The following NAV3 variants were observed in gnomAD, a reference collection of about 807,000 sequenced individuals.
NAV3 encodes pore membrane and/or filament interacting like protein 1.
In NAV3, 87 loss-of-function variants were observed where a neutral mutation model predicts 244.7. The ratio of observed to expected loss-of-function variants is 0.36; its 90% CI spans 0.30 to 0.42. The LOEUF is 0.42. Among genes scored for constraint, NAV3 ranks in the 20% least tolerant of loss-of-function variants. The probability of loss-of-function intolerance (pLI) is 1.00; values close to 1 mark genes in which losing one functional copy is unlikely to be tolerated. For synonymous variants in NAV3, 1,126 were observed against 1,042.2 expected (o/e 1.08, Z -1.55); for missense variants, 2,663 against 2,893.3 (o/e 0.92, Z 1.83).
chr12:77,629,267 C>T (rs931403293), intron 2 of NAV3, among the ~76,000 whole-genome samples: 2 of 152,156 alleles, frequency 1.3e-5, no homozygotes, highest in Non-Finnish European at 2.9e-5. Flanking sequence ...ATATTTGCAG[C>T]ATGATTTATC....
intron 1 of NAV3, among the ~76,000 whole-genome samples, chr12:77,903,650 T>G (rs996623303): frequency 7.2e-5 from 11 of 152,162 alleles, no homozygotes; most frequent in Non-Finnish European, 1.5e-4. Context: ...AAATGGGACC[T>G]AATTAAACTA....
intron 2 of NAV3, among the ~76,000 whole-genome samples, chr12:77,623,162 A>G (rs955759168): frequency 3.9e-5 from 6 of 152,206 alleles, no homozygotes; most frequent in Non-Finnish European, 7.3e-5. Flanking sequence ...GAGCATGAAT[A>G]TGTCCTTTGC....
At chr12:77,878,238 T>C (rs1314218920) in intron 1 of NAV3, among the ~76,000 whole-genome samples, 1 of 152,068 alleles carries the variant, frequency 6.6e-6, no homozygotes, top group East Asian at 1.9e-4. Context: ...TTTTGTTTTG[T>C]TTTTTTGAGA....
chr12:77,759,317 A>T (rs1650729611), intron 2 of NAV3, among the ~76,000 whole-genome samples: 1 of 152,236 alleles, frequency 6.6e-6, no homozygotes, highest in African/African-American at 2.4e-5. Flanking sequence ...AAAGACAAAA[A>T]GATGTTAAAG....
chr12:78,021,039 C>A (rs181466914), intron 8 of NAV3, among the ~76,000 whole-genome samples: 1 of 152,050 alleles, frequency 6.6e-6, no homozygotes, highest in South Asian at 2.1e-4. Context: ...AAAATATTTA[C>A]CCATGCATAA....
At chr12:77,743,934 A>G (rs1868401671) in intron 2 of NAV3, among the ~76,000 whole-genome samples, 1 of 151,812 alleles carries the variant, frequency 6.6e-6, no homozygotes, top group Non-Finnish European at 1.5e-5. Context: ...AGATAAAAGG[A>G]TGGTATTACT....
At chr12:77,977,504 C>T (rs1057133033) in intron 5 of NAV3, among the ~76,000 whole-genome samples, 3 of 151,980 alleles carry the variant, frequency 2.0e-5, no homozygotes, top group South Asian at 2.1e-4. Flanking sequence ...ATTAAAACTA[C>T]GGTTTGGTTC....
intron 2 of NAV3, among the ~76,000 whole-genome samples, chr12:77,599,333 T>C (rs994867990): frequency 6.6e-6 from 1 of 152,010 alleles, no homozygotes. Flanking sequence ...TTTAGTAGAC[T>C]TTTATTCAAA....
intron 1 of NAV3, among the ~76,000 whole-genome samples, chr12:77,932,033 T>C (rs927838990): frequency 6.6e-6 from 1 of 152,100 alleles, no homozygotes; most frequent in African/African-American, 2.4e-5. Flanking sequence ...CAGTATCTGT[T>C]GATCTTAGGG....
At position 77,791,360 on chromosome 12, in the gene NAV3, A is replaced by T. The variant is rs1312675824; in HGVS notation, c.73-148959A>T. 5.9e-5 allele frequency among the ~76,000 whole-genome samples: 9 copies of T among 152,034 alleles called. No individual in the cohort carries two copies. In the South Asian group the frequency reaches 1.9e-3, roughly 32 times the overall value. ...CAAGAGCAAAACTCCATCTCAAAAA[A>T]AAAAAAAAAAAAATTCCCTTTTATT... On this transcript the variant is annotated intron_variant, in intron 2 of 8. Coordinates refer to the NAV3 transcript ENST00000550042.
intron 2 of NAV3, among the ~76,000 whole-genome samples, chr12:77,786,044 T>C (rs1284573460): frequency 6.6e-6 from 1 of 152,200 alleles, no homozygotes. Context: ...TGGGATCAAA[T>C]TCTCTCACCT....
At chr12:77,897,787 C>A (rs1884799186) in intron 1 of NAV3, among the ~76,000 whole-genome samples, 1 of 151,634 alleles carries the variant, frequency 6.6e-6, no homozygotes, top group Non-Finnish European at 1.5e-5. Context: ...GGCATGCTTG[C>A]TACCCAAAGC....
rs775919315 is a variant in NAV3, at chr12:78,052,549, TGGC to T, written c.2516+1403_2516+1405del. Among the ~76,000 whole-genome samples the T allele has an allele frequency of 1.3e-4, 20 of 152,352 alleles. No homozygotes were observed. In the Middle Eastern group the frequency reaches 0.01, roughly 78 times the overall value. On this transcript the variant is annotated intron_variant, in intron 11 of 39. Transcript: ENST00000397909. ...CACAAATTTTAGTTTGCGCAATGCTTGGCATGATACAAGCACTCAATAAATTTA... is the reference window on the plus strand; with the variant it reads ...CACAAATTTTAGTTTGCGCAATGCTTATGATACAAGCACTCAATAAATTTA...
At chr12:78,182,388 A>T (rs754620063) in intron 30 of NAV3, among the ~76,000 whole-genome samples, 3 of 151,998 alleles carry the variant, frequency 2.0e-5, no homozygotes, top group Non-Finnish European at 4.4e-5. Flanking sequence ...GCATTTCTGG[A>T]TCCTCAGGCT....
At chr12:78,142,672 C>T (rs11108461) in intron 20 of NAV3, among the ~76,000 whole-genome samples, 1,656 of 73,738 alleles carry the variant, frequency 0.022, 59 homozygotes, top group Admixed American at 0.058. Context: ...TATATATATA[C>T]ATATATATGT....
intron 1 of NAV3, among the ~76,000 whole-genome samples, chr12:77,848,181 G>T (rs555708578): frequency 6.6e-6 from 1 of 152,216 alleles, no homozygotes; most frequent in African/African-American, 2.4e-5. Flanking sequence ...GTGCTGCAAA[G>T]ATGTGATTTA....
At chr12:78,201,992 C>T (rs1330374174) in intron 38 of NAV3, among the ~76,000 whole-genome samples, 1 of 151,782 alleles carries the variant, frequency 6.6e-6, no homozygotes. Flanking sequence ...TACTCTGAAG[C>T]CTCAGAGATA....
intron 2 of NAV3, among the ~76,000 whole-genome samples, chr12:77,749,022 C>T (rs140644431): frequency 1.2e-3 from 184 of 152,008 alleles, no homozygotes; most frequent in African/African-American, 4.0e-3. Flanking sequence ...TTCTGCAAAG[C>T]GGGAGAAAAA....
At chr12:77,787,512 G>A (rs1870960169) in intron 2 of NAV3, among the ~76,000 whole-genome samples, 1 of 152,164 alleles carries the variant, frequency 6.6e-6, no homozygotes, top group Non-Finnish European at 1.5e-5. Flanking sequence ...ATGGTGGCGG[G>A]AAGAGAAGTG....
Sources: gnomAD v4.1 joint callset for allele counts (sites outside exome capture counted in the v4.1 genomes callset) on GRCh38, gnomAD v4.1.1 for gene constraint, MANE v1.5 for transcripts, NCBI Gene and HGNC (gene_info 2026-07-23, HGNC 2026-07-21) for gene names.